USP34: variants seen among roughly 807,000 people sequenced by gnomAD.
The protein encoded by USP34 is ubiquitin specific peptidase 34.
USP34 carries 70 observed loss-of-function variants against 460.3 expected under a neutral mutation model. The observed-to-expected ratio is 0.15, with a 90% CI of 0.13 to 0.19. USP34 has a LOEUF of 0.19. Among genes scored for constraint, USP34 ranks in the 10% least tolerant of loss-of-function variants. The probability of loss-of-function intolerance (pLI) is 1.00; values close to 1 mark genes in which losing one functional copy is unlikely to be tolerated. For missense variants in USP34, 3,985 were observed against 4,236.2 expected (o/e 0.94, Z 1.65); for synonymous variants, 1,647 against 1,405.3 (o/e 1.17, Z -3.85).
rs763013865 is a variant in USP34, at chr2:61,288,741, G to A, written c.4685C>T (p.Pro1562Leu). 4.3e-6 allele frequency: 7 copies of A among 1,614,014 alleles called. No homozygotes were observed. The highest frequency in any genetic ancestry group is 5.1e-6 in the Non-Finnish European group (6 of 1,179,942). Residue 1562 changes from proline to leucine, a missense_variant, in exon 34 of 80, where the codon CCT (proline) becomes CTT (leucine). Around this residue, in one of 14 missense-constraint regions of USP34, gnomAD observed 1,114 missense variants for 1,122.5 expected, o/e 0.99. Coordinates refer to ENST00000398571, the MANE Select transcript of USP34 (RefSeq NM_014709.4). Reference sequence around the variant, plus strand: ...ACCAGCAGCCTTCCTTGATTTGCCAGGCCAGGTTCTTTTCCTATGGCTTTC... The same window carrying A: ...ACCAGCAGCCTTCCTTGATTTGCCAAGCCAGGTTCTTTTCCTATGGCTTTC... ...IAESHRKRTW[P>L]GKSRKAAGDH...
At chr2:61,303,762 CATT>C (rs936087166) in intron 27 of USP34, among the ~76,000 whole-genome samples, 19 of 151,506 alleles carry the variant, frequency 1.3e-4, no homozygotes, top group Non-Finnish European at 2.4e-4. Context: ...ACGCCTGGCT[CATT>C]TTTTGTATTT....
intron 23 of USP34, among the ~76,000 whole-genome samples, chr2:61,316,504 G>C (rs1176250315): frequency 6.6e-6 from 1 of 152,140 alleles, no homozygotes; most frequent in African/African-American, 2.4e-5. Flanking sequence ...AGAATCGCTT[G>C]AACCCAGGAG....
chr2:61,359,318 G>C (rs1378676958), intron 10 of USP34, among the ~76,000 whole-genome samples: 5 of 152,146 alleles, frequency 3.3e-5, no homozygotes, highest in Non-Finnish European at 5.9e-5. Flanking sequence ...TTTCAACCAA[G>C]GTTGCCAAGG....
chr2:61,457,315 G>A (rs1401866018), intron 1 of USP34, among the ~76,000 whole-genome samples: 5 of 152,100 alleles, frequency 3.3e-5, no homozygotes, highest in Admixed American at 2.6e-4. Flanking sequence ...CCATAGGAAG[G>A]GCCAAACTGA....
intron 8 of USP34, among the ~76,000 whole-genome samples, chr2:61,374,585 T>G (rs192244219): frequency 1.3e-5 from 2 of 151,492 alleles, no homozygotes; most frequent in Admixed American, 6.6e-5. Flanking sequence ...CTGCACACAC[T>G]CAGGATCAAA....
chr2:61,323,931 T>C (rs925276870), intron 21 of USP34, among the ~76,000 whole-genome samples: 1 of 152,170 alleles, frequency 6.6e-6, no homozygotes, highest in Non-Finnish European at 1.5e-5. Context: ...TATCCCAGTG[T>C]TGCTGGCATT....
In USP34 at chr2:61,280,275, A is replaced by G. The variant is rs1689495782; in HGVS notation, c.5225T>C (p.Val1742Ala). Residue 1742 changes from valine to alanine, a missense_variant, in exon 39 of 80, where the codon GTT (valine) becomes GCT (alanine). Val to Ala is a moderately conservative substitution (Grantham distance 64, BLOSUM62 0). Transcript: ENST00000398571. ...KEYFWLLCKL[V>A]DNIHIKDASQ... ...AGCGTCCTTTATATGTATGTTGTCA[A>G]CTAATTTGCATAACAACCAAAAATA... 6.4e-7 allele frequency: 1 copy of G among 1,564,954 alleles called. No individual in the cohort carries two copies.
chr2:61,391,223 A>G (rs974157830), intron 5 of USP34, among the ~76,000 whole-genome samples: 1 of 152,148 alleles, frequency 6.6e-6, no homozygotes, highest in Non-Finnish European at 1.5e-5. Flanking sequence ...AGGCGGGCGG[A>G]TCATTTGAGC....
At chr2:61,421,802 C>CGA (rs1323725904) in intron 1 of USP34, among the ~76,000 whole-genome samples, 1 of 152,120 alleles carries the variant, frequency 6.6e-6, no homozygotes, top group African/African-American at 2.4e-5. Flanking sequence ...CACACACGCG[C>CGA]GCGCGCGCAC....
chr2:61,305,418 A>G (rs1017864865), intron 27 of USP34, among the ~76,000 whole-genome samples: 3 of 152,164 alleles, frequency 2.0e-5, no homozygotes, highest in Non-Finnish European at 2.9e-5. Context: ...CTTGTGATGA[A>G]CAGCAAGCCC....
rs578214716 is a variant in USP34, at chr2:61,248,486, CAA to C, written c.6394+23_6394+24del. On this transcript the variant is annotated intron_variant, in intron 49 of 79. Transcript: ENST00000398571. ...TATGGAGATTGACAATAATCACAGA[CAA>C]GAGAAAGAAATGAAAAAATCACCTT... is the stretch of plus-strand genomic sequence containing the variant. 89 of 1,526,016 alleles carry C rather than the reference CAA, an allele frequency of 5.8e-5. No homozygotes were observed. In the East Asian group the frequency reaches 1.8e-3, roughly 30 times the overall value. 94.5% of individuals were successfully genotyped at this position (1,526,016 alleles called of 1,614,324 possible). A position where few individuals can be genotyped will look rare whatever the true frequency, so the allele number is the denominator to read the frequency against.
intron 53 of USP34, among the ~76,000 whole-genome samples, chr2:61,236,867 T>C (rs1034391949): frequency 2.6e-5 from 4 of 152,240 alleles, no homozygotes; most frequent in African/African-American, 9.6e-5. Context: ...TTCATCTGTC[T>C]GAATACCTTA....
At chr2:61,237,965 C>G (rs1033312667) in intron 53 of USP34, among the ~76,000 whole-genome samples, 1 of 151,730 alleles carries the variant, frequency 6.6e-6, no homozygotes, top group Non-Finnish European at 1.5e-5. Flanking sequence ...GGCGCGATCT[C>G]GGCTCACGGC....
intron 18 of USP34, among the ~76,000 whole-genome samples, chr2:61,334,930 T>G (rs1294327274): frequency 6.6e-6 from 1 of 152,192 alleles, no homozygotes; most frequent in Non-Finnish European, 1.5e-5. Flanking sequence ...CCTAAGATTA[T>G]CTAAAAACTT....
intron 8 of USP34, 54 bp from the exon 9 acceptor site, chr2:61,370,633 T>G (rs1412135521): frequency 9.1e-6 from 14 of 1,537,304 alleles, no homozygotes; most frequent in Non-Finnish European, 1.2e-5. Context: ...TCTTTTCTCA[T>G]GTCTAAAAGG....
At chr2:61,298,164 A>G (rs1014666600) in intron 29 of USP34, among the ~76,000 whole-genome samples, 4 of 151,938 alleles carry the variant, frequency 2.6e-5, no homozygotes, top group Admixed American at 2.0e-4. Context: ...AACTCTCATC[A>G]GGGCCAAACC....
At chr2:61,254,431 T>G (rs1420562067) in intron 48 of USP34, among the ~76,000 whole-genome samples, 1 of 152,232 alleles carries the variant, frequency 6.6e-6, no homozygotes, top group Non-Finnish European at 1.5e-5. Context: ...GCCATCGTGT[T>G]ACCAATCTTG....
chr2:61,193,389 A>AAAAAAAAAAAAAAAAAAT (rs397984741), intron 75 of USP34: 1 of 148,880 alleles, frequency 6.7e-6, no homozygotes, highest in African/African-American at 2.5e-5. Flanking sequence ...AAAAAAAAAA[A>AAAAAAAAAAAAAAAAAAT]GTGGAGAATT....
In USP34 at chr2:61,280,435, T is replaced by C. The variant is rs1689499879; in HGVS notation, c.5152-87A>G. On this transcript the variant is annotated intron_variant, in intron 38 of 79. Transcript: ENST00000398571. Reference sequence around the variant, plus strand: ...TTAAGAAACTAGAGGCTTTATGAAATAAATTCCTATATCCACTAAACAGTA... The same window carrying C: ...TTAAGAAACTAGAGGCTTTATGAAACAAATTCCTATATCCACTAAACAGTA... 3 of 592,710 alleles carry C rather than the reference T, an allele frequency of 5.1e-6. No homozygotes were observed. In the South Asian group the frequency reaches 1.4e-4, roughly 28 times the overall value. 36.7% of individuals were successfully genotyped at this position (592,710 alleles called of 1,614,324 possible). A position where few individuals can be genotyped will look rare whatever the true frequency, so the allele number is the denominator to read the frequency against.
Sources: allele counts gnomAD v4.1 joint callset (sites outside exome capture counted in the v4.1 genomes callset), GRCh38; gene constraint gnomAD v4.1.1; regional missense constraint gnomAD v4.1.1; transcripts MANE v1.5; gene names NCBI Gene and HGNC (gene_info 2026-07-23, HGNC 2026-07-21).